Variants in KALRN observed in about 807,000 individuals in gnomAD.
The protein encoded by KALRN is kalirin.
A neutral mutation model predicts 353.7 loss-of-function variants in KALRN; 70 were observed. That is an observed-to-expected ratio of 0.20 (90% CI 0.16 to 0.24). The LOEUF is 0.24. KALRN is among the 10% of genes least tolerant of loss of function. The pLI, the probability that KALRN is intolerant of heterozygous loss-of-function variation, is 1.00. For synonymous variants in KALRN, 1,391 were observed against 1,434.8 expected (o/e 0.97, Z 0.69); for missense variants, 2,791 against 3,756.7 (o/e 0.74, Z 6.72).
At chr3:124,629,571 T>G (rs1171838914) in intron 34 of KALRN, among the ~76,000 whole-genome samples, 6 of 152,224 alleles carry the variant, frequency 3.9e-5, no homozygotes, top group Non-Finnish European at 4.4e-5. Flanking sequence ...CCTGCCTCTG[T>G]GCTTTTGTTC....
At chr3:124,527,330 C>T (rs1258790498) in intron 33 of KALRN, among the ~76,000 whole-genome samples, 1 of 152,116 alleles carries the variant, frequency 6.6e-6, no homozygotes, top group Non-Finnish European at 1.5e-5. Flanking sequence ...TGAAGATTGG[C>T]TGGGCATGGT....
chr3:124,437,882 C>A (rs2093534679), intron 17 of KALRN, among the ~76,000 whole-genome samples: 1 of 151,942 alleles, frequency 6.6e-6, no homozygotes, highest in Non-Finnish European at 1.5e-5. Context: ...GTTCCAGGAC[C>A]CCTCACAGAT....
At position 124,283,295 on chromosome 3, in the gene KALRN, A is replaced by G. The variant is rs116585659; in HGVS notation, c.969+14040A>G. Among the ~76,000 whole-genome samples, 575 of 152,348 alleles carry G rather than the reference A, an allele frequency of 3.8e-3. 5 individuals are homozygous for G. The highest frequency in any genetic ancestry group is 0.013 in the African/African-American group (524 of 41,588). ...ATTAACTTGCCAAGGGCCAGATCTC[A>G]GTTTATGTCTAAATTTAGCTCCGGG... On this transcript the variant is annotated intron_variant, in intron 5 of 59. Coordinates refer to ENST00000682506, the MANE Select transcript of KALRN (RefSeq NM_001388419.1).
At chr3:124,264,818 C>T in intron 4 of KALRN, 128 bp downstream of exon 4, 1 of 826,246 alleles carries the variant, frequency 1.2e-6, no homozygotes, top group Non-Finnish European at 1.9e-6. Flanking sequence ...TTCAGGATTC[C>T]TTGGCCGCCA....
intron 45 of KALRN, among the ~76,000 whole-genome samples, chr3:124,666,244 A>G (rs1444585844): frequency 6.6e-6 from 1 of 152,066 alleles, no homozygotes; most frequent in Non-Finnish European, 1.5e-5. Flanking sequence ...CTTTCCCTCC[A>G]GGGCCCTTGT....
At chr3:124,045,694 G>T (rs1030354527) in intron 1 of KALRN, among the ~76,000 whole-genome samples, 3 of 151,790 alleles carry the variant, frequency 2.0e-5, no homozygotes, top group Non-Finnish European at 4.4e-5. Context: ...CCAGGCACTG[G>T]GGGTACACAG....
At chr3:124,458,496 T>C (rs2059554578) in intron 23 of KALRN, among the ~76,000 whole-genome samples, 1 of 152,170 alleles carries the variant, frequency 6.6e-6, no homozygotes, top group African/African-American at 2.4e-5. Flanking sequence ...CTGTACTGAT[T>C]CCCATTTTAC....
At chr3:124,570,847 AG>A (rs984080877) in intron 34 of KALRN, among the ~76,000 whole-genome samples, 1 of 152,218 alleles carries the variant, frequency 6.6e-6, no homozygotes, top group Non-Finnish European at 1.5e-5. Flanking sequence ...AGAATTGAAA[AG>A]CAGGTGAAAG....
chr3:124,037,509 G>GT (rs2039540670), intron 1 of KALRN, among the ~76,000 whole-genome samples: 1 of 152,210 alleles, frequency 6.6e-6, no homozygotes, highest in Admixed American at 6.5e-5. Flanking sequence ...TTCTGGGGCA[G>GT]TAGGGAGTCA....
intron 34 of KALRN, among the ~76,000 whole-genome samples, chr3:124,607,054 T>C (rs1166302317): frequency 6.6e-6 from 1 of 152,274 alleles, no homozygotes; most frequent in African/African-American, 2.4e-5. Context: ...TTTTGACTCA[T>C]CAATACCACT....
At chr3:124,243,422 A>G (rs2080747785) in intron 3 of KALRN, among the ~76,000 whole-genome samples, 1 of 152,236 alleles carries the variant, frequency 6.6e-6, no homozygotes, top group African/African-American at 2.4e-5. Context: ...CCACTTGGTC[A>G]TGAAGTAACT....
At chr3:124,535,931 G>T (rs766155732) in intron 33 of KALRN, among the ~76,000 whole-genome samples, 1 of 152,128 alleles carries the variant, frequency 6.6e-6, no homozygotes, top group Admixed American at 6.5e-5. Context: ...CTAGATGGAT[G>T]GTGTTCCAGG....
Position 124,280,089 on chromosome 3 carries a change from A to G in KALRN, c.969+10834A>G, listed in dbSNP as rs151190222. On this transcript the variant is annotated intron_variant, in intron 5 of 59. Coordinates refer to ENST00000682506, the MANE Select transcript of KALRN (RefSeq NM_001388419.1). ...TCCATGGAATAACCAGTGGACCACG[A>G]GGAAAACTGGATTCTGGCAAATGGT... is the stretch of plus-strand genomic sequence containing the variant. Among the ~76,000 whole-genome samples the G allele has an allele frequency of 8.9e-4, 136 of 152,318 alleles. 2 individuals are homozygous for G. The East Asian group carries it at 0.025, about 28-fold the overall frequency.
At chr3:124,290,183 A>G (rs979579265) in intron 5 of KALRN, among the ~76,000 whole-genome samples, 9 of 152,184 alleles carry the variant, frequency 5.9e-5, no homozygotes, top group African/African-American at 2.2e-4. Flanking sequence ...GAAAATGTTT[A>G]CAAGTCTAGA....
intron 39 of KALRN, among the ~76,000 whole-genome samples, chr3:124,657,082 TTATAGAC>T (rs1399529589): frequency 6.6e-6 from 1 of 152,226 alleles, no homozygotes; most frequent in Non-Finnish European, 1.5e-5. Context: ...TGATCACATT[TTATAGAC>T]TATAAAGTAT....
intron 47 of KALRN, among the ~76,000 whole-genome samples, chr3:124,668,673 AAAC>A (rs1434132992): frequency 1.3e-5 from 2 of 152,232 alleles, no homozygotes; most frequent in African/African-American, 4.8e-5. Context: ...ATTTGGTGAA[AAAC>A]AACTAGACTA....
At chr3:124,390,490 C>T (rs566196040) in intron 11 of KALRN, among the ~76,000 whole-genome samples, 2 of 152,172 alleles carry the variant, frequency 1.3e-5, no homozygotes, top group Admixed American at 1.3e-4. Flanking sequence ...GGAACCAAAA[C>T]TAAATTGGTC....
intron 25 of KALRN, among the ~76,000 whole-genome samples, chr3:124,474,318 T>C (rs1159344535): frequency 6.6e-6 from 1 of 152,216 alleles, no homozygotes; most frequent in African/African-American, 2.4e-5. Flanking sequence ...CTATATTATT[T>C]AAAATATTTA....
Position 124,488,266 on chromosome 3 carries a change from C to G in KALRN, c.4347C>G (p.Leu1449=), listed in dbSNP as rs780315896. ...TCAAGGATGGCCTGGAGGTGATGCT[C>G]AGTGTCCCAAAGAAAGCCAATGATG... The part of the protein sequence containing the change: ...GELKDGLEVM[L]SVPKKANDAM... The change falls in exon 29 of 60, where the codon CTC becomes CTG. Residue 1449 remains leucine (L), a synonymous_variant. Transcript: ENST00000682506. 28 of 1,613,784 alleles carry G rather than the reference C, an allele frequency of 1.7e-5. No homozygotes were observed. In the East Asian group the frequency reaches 5.8e-4, roughly 33 times the overall value.
Sources: gnomAD v4.1 joint callset for allele counts (sites outside exome capture counted in the v4.1 genomes callset) on GRCh38, gnomAD v4.1.1 for gene constraint, MANE v1.5 for transcripts, NCBI Gene and HGNC (gene_info 2026-07-23, HGNC 2026-07-21) for gene names.